Variants in CDC5L observed in about 807,000 individuals in gnomAD.
CDC5L encodes the protein cell division cycle 5 like, also known as cell division cycle 5-like protein.
In CDC5L, 18 loss-of-function variants were observed where a neutral mutation model predicts 104.1. The observed-to-expected ratio is 0.17, with a 90% confidence interval of 0.12 to 0.26. The LOEUF (loss-of-function observed/expected upper bound fraction) is 0.26. Ranked by LOEUF, CDC5L falls within the 10% of genes least tolerant of loss-of-function variation. The pLI, the probability that CDC5L is intolerant of heterozygous loss-of-function variation, is 1.00. For synonymous variants in CDC5L, 331 were observed against 322.7 expected, an observed-to-expected ratio of 1.03 and a Z score of -0.28; for missense variants, 673 against 956.9, an observed-to-expected ratio of 0.70 and a Z score of 3.91.
chr6:44,416,920 AG>A (rs1791933736), intron 8 of CDC5L, among the ~76,000 whole-genome samples: 1 of 152,246 alleles, frequency 6.6e-6, no homozygotes, highest in African/African-American at 2.4e-5. Context: ...TATTTGGAAT[AG>A]CAAAAAGGAC....
At chr6:44,411,164 C>T (rs558675395) in intron 8 of CDC5L, among the ~76,000 whole-genome samples, 51 of 151,836 alleles carry the variant, frequency 3.4e-4, no homozygotes, top group African/African-American at 1.1e-3. Context: ...CTCAAATGTC[C>T]GGTGCTCTTT....
At chr6:44,433,357 G>GAATT (rs1792776080) in intron 14 of CDC5L, among the ~76,000 whole-genome samples, 1 of 152,176 alleles carries the variant, frequency 6.6e-6, no homozygotes, top group Non-Finnish European at 1.5e-5. Context: ...AGTGCAAATA[G>GAATT]AATTTTAAGT....
intron 13 of CDC5L, among the ~76,000 whole-genome samples, chr6:44,428,369 T>G (rs778052589): frequency 2.2e-4 from 33 of 152,316 alleles, no homozygotes; most frequent in Non-Finnish European, 2.4e-4. Context: ...TTGATGTGTT[T>G]ATTTTCATTA....
At chr6:44,431,806 G>T (rs890455499) in intron 14 of CDC5L, among the ~76,000 whole-genome samples, 7 of 152,032 alleles carry the variant, frequency 4.6e-5, no homozygotes, top group African/African-American at 1.2e-4. Flanking sequence ...GATTTATTTG[G>T]GTCGTTTATG....
chr6:44,429,518 A>C (rs1792582650), intron 13 of CDC5L, among the ~76,000 whole-genome samples, 195 bp from the exon 14 acceptor site: 1 of 152,174 alleles, frequency 6.6e-6, no homozygotes, highest in African/African-American at 2.4e-5. Flanking sequence ...CTTGATTTTT[A>C]AAAAGCAGTC....
intron 14 of CDC5L, among the ~76,000 whole-genome samples, chr6:44,439,571 G>A (rs897707817): frequency 6.6e-6 from 1 of 152,182 alleles, no homozygotes; most frequent in African/African-American, 2.4e-5. Context: ...GTTTTTCCTT[G>A]CTGTGTTTCC....
Position 44,435,080 on chromosome 6 carries a change from G to A in CDC5L, c.2091+5170G>A, listed in dbSNP as rs1271418213. On this transcript the variant is annotated intron_variant, in intron 14 of 15. Coordinates refer to ENST00000371477, the MANE Select transcript of CDC5L (RefSeq NM_001253.4). ...ACATTGTGGTGTATATATGCACCCC[G>A]CCCCCCCTGCCCCCACATACTCCCA... is the stretch of plus-strand genomic sequence containing the variant. Among the ~76,000 whole-genome samples, 6 of 67,034 alleles carry A rather than the reference G, an allele frequency of 9.0e-5. 1 individual carries two copies. In the South Asian group the frequency reaches 1.4e-3, roughly 16 times the overall value. The allele number at this position is 67,034 out of a possible 152,430, so 44.0% of individuals were successfully genotyped here.
At chr6:44,423,651 C>T (rs1792289700) in intron 10 of CDC5L, among the ~76,000 whole-genome samples, 1 of 152,104 alleles carries the variant, frequency 6.6e-6, no homozygotes, top group Non-Finnish European at 1.5e-5. Flanking sequence ...TTAGATATAG[C>T]AACTCATCTG....
intron 1 of CDC5L, among the ~76,000 whole-genome samples, chr6:44,390,045 G>C (rs909785777): frequency 2.6e-5 from 4 of 152,120 alleles, no homozygotes; most frequent in African/African-American, 7.2e-5. Flanking sequence ...GTGGTGTAAG[G>C]GTGGGTAGCT....
At chr6:44,396,481 C>A in intron 5 of CDC5L, 41 bp downstream of exon 5, 2 of 1,253,820 alleles carry the variant, frequency 1.6e-6, no homozygotes, top group South Asian at 1.3e-5. Context: ...GTGTTTTTCT[C>A]ACATAACAAT....
rs1421947734 is a variant in CDC5L at position 44,408,554 on chromosome 6, G to A, written c.1014G>A (p.Leu338=). The stretch of plus-strand genomic sequence containing the variant: ...CAAATTCTGCTTCCAGTACACTTTT[G>A]TCTGAGTACAATGTCACCAACAACA... ...GITNSASSTL[L]SEYNVTNNSV... Residue 338 remains leucine, a synonymous_variant, in exon 8 of 16, where the codon TTG becomes TTA. Coordinates refer to ENST00000371477, the MANE Select transcript of CDC5L (RefSeq NM_001253.4). The A allele has an allele frequency of 3.3e-5, 53 of 1,613,900 alleles. No homozygotes were observed. Among genetic ancestry groups the A allele is most frequent in the Non-Finnish European group, 4.0e-5 (47 of 1,179,930 alleles).
intron 8 of CDC5L, among the ~76,000 whole-genome samples, chr6:44,415,919 A>G (rs2153379822): frequency 6.6e-6 from 1 of 152,300 alleles, no homozygotes; most frequent in East Asian, 1.9e-4. Context: ...AGATGAACTG[A>G]CAGAAGTTGA....
chr6:44,422,607 T>A (rs374821300), intron 9 of CDC5L, 40 bp from the exon 10 acceptor site: 4 of 1,341,934 alleles, frequency 3.0e-6, no homozygotes, highest in East Asian at 5.2e-5. Flanking sequence ...AATCCAAATG[T>A]AAGTGGCACT....
chr6:44,412,781 C>CTTTTT lies in CDC5L; in HGVS notation c.1092+4164_1092+4168dup, dbSNP rs397950082. 3.3e-4 allele frequency among the ~76,000 whole-genome samples: 35 copies of CTTTTT among 106,574 alleles called. 1 individual carries two copies. Among genetic ancestry groups the CTTTTT allele is most frequent in the African/African-American group, 6.5e-4 (17 of 26,256 alleles). The allele number at this position is 106,574 out of a possible 152,430, so 69.9% of individuals were successfully genotyped here. On this transcript the variant is annotated intron_variant, in intron 8 of 15. Coordinates refer to ENST00000371477, the MANE Select transcript of CDC5L (RefSeq NM_001253.4). ...ACCACAGTCAATTTTAGAATAATTTCTTTTTTTTTTTTTTTTTTTGAGACG... is the reference window on the plus strand; with the variant it reads ...ACCACAGTCAATTTTAGAATAATTTCTTTTTTTTTTTTTTTTTTTTTTTTGAGACG...
intron 13 of CDC5L, among the ~76,000 whole-genome samples, chr6:44,427,669 G>C (rs557933236): frequency 7.9e-5 from 12 of 152,214 alleles, no homozygotes; most frequent in African/African-American, 2.6e-4. Flanking sequence ...CAGAATAACT[G>C]AGTCACTCAT....
Position 44,409,681 on chromosome 6 carries a change from T to TTTAGA in CDC5L, c.1092+1051_1092+1055dup, listed in dbSNP as rs1288731156. ...TCTGTTTTCTCTAACCTGTGCTGAC[T>TTTAGA]TTAGATAGTCTCATCTTTTTGAAGA... is the stretch of plus-strand genomic sequence containing the variant. On this transcript the variant is annotated intron_variant, in intron 8 of 15. Transcript: ENST00000371477. Among the ~76,000 whole-genome samples, 4 of 152,246 alleles carry TTTAGA rather than the reference T, an allele frequency of 2.6e-5. No individual in the cohort carries two copies. The East Asian group carries it at 7.7e-4, about 29-fold the overall frequency.
chr6:44,435,233 A>G (rs1792877490), intron 14 of CDC5L, among the ~76,000 whole-genome samples: 1 of 151,932 alleles, frequency 6.6e-6, no homozygotes, highest in African/African-American at 2.4e-5. Flanking sequence ...CCCTACTTCT[A>G]AAAAGGTGGT....
intron 8 of CDC5L, among the ~76,000 whole-genome samples, chr6:44,411,608 C>CAGAGAGAGAGAGAGAG (rs1292898511): frequency 1.5e-5 from 2 of 135,440 alleles, no homozygotes; most frequent in South Asian, 3.0e-4. Flanking sequence ...CTGTGAGAGA[C>CAGAGAGAGAGAGAGAG]AGAGAGAGAG....
At chr6:44,408,281 T>C (rs76056385) in intron 7 of CDC5L, among the ~76,000 whole-genome samples, 163 bp from the exon 8 acceptor site, 1 of 152,070 alleles carries the variant, frequency 6.6e-6, no homozygotes, top group African/African-American at 2.4e-5. Flanking sequence ...TTTTTTTTTT[T>C]TCAATAGAGA....
Sources: allele counts gnomAD v4.1 joint callset (sites outside exome capture counted in the v4.1 genomes callset), GRCh38; gene constraint gnomAD v4.1.1; transcripts MANE v1.5; gene names NCBI Gene and HGNC (gene_info 2026-07-23, HGNC 2026-07-21).